VIT: variants seen among roughly 807,000 people sequenced by gnomAD.
VIT encodes vitrin.
Under a neutral mutation model 78.0 loss-of-function variants are expected in VIT, and 99 were observed. The observed-to-expected ratio is 1.27, with a 90% CI of 1.08 to 1.50. The LOEUF (loss-of-function observed/expected upper bound fraction) is 1.50. Among genes scored for constraint, VIT ranks in the 40% most tolerant of loss-of-function variants. VIT has a pLI of 0.00. For missense variants in VIT, 1,126 were observed against 875.3 expected (o/e 1.29, Z -3.61); for synonymous variants, 374 against 334.3 (o/e 1.12, Z -1.29).
intron 2 of VIT, among the ~76,000 whole-genome samples, chr2:36,724,373 A>C (rs1486378181): frequency 6.6e-6 from 1 of 152,154 alleles, no homozygotes; most frequent in African/African-American, 2.4e-5. Flanking sequence ...TCACCCAGGG[A>C]CTGGCTCTCA....
chr2:36,708,529 A>G (rs1470022488), intron 1 of VIT, among the ~76,000 whole-genome samples: 1 of 152,148 alleles, frequency 6.6e-6, no homozygotes, highest in South Asian at 2.1e-4. Context: ...TAAGCCCTCC[A>G]TGTCTCCCTG....
chr2:36,792,013 C>T (rs1355025868), intron 12 of VIT, among the ~76,000 whole-genome samples: 1 of 151,958 alleles, frequency 6.6e-6, no homozygotes, highest in Non-Finnish European at 1.5e-5. Flanking sequence ...ATTACAGCAC[C>T]CACCCTCAGA....
chr2:36,761,129 C>G (rs952285453), intron 6 of VIT, among the ~76,000 whole-genome samples: 4 of 152,182 alleles, frequency 2.6e-5, no homozygotes, highest in Admixed American at 2.6e-4. Flanking sequence ...GTATTGCACA[C>G]GTGTGATGGA....
At chr2:36,733,512 C>T (rs1184258274) in intron 3 of VIT, among the ~76,000 whole-genome samples, 2 of 152,170 alleles carry the variant, frequency 1.3e-5, no homozygotes, top group African/African-American at 4.8e-5. Context: ...GGAAATGAAA[C>T]AATCCTGCCA....
rs1388214809 is a variant in VIT at position 36,755,033 on chromosome 2, A to G, written c.388A>G (p.Arg130Gly). ...CCAATCGTTATCCCTACCACGATGGAGAGAATCCTTTATCGTCTTAGGTAT... is the reference window on the plus strand; with the variant it reads ...CCAATCGTTATCCCTACCACGATGGGGAGAATCCTTTATCGTCTTAGGTAT... ...GVQSLSLPRW[R>G]ESFIVLESKP... Residue 130 changes from arginine to glycine, a missense_variant, in exon 5 of 16, where the codon AGA (arginine) becomes GGA (glycine). By Grantham distance (125) the Arg-to-Gly change is moderately radical. Transcript: ENST00000379242. 1 of 1,614,024 alleles carries G rather than the reference A, an allele frequency of 6.2e-7. No individual in the cohort carries two copies. The highest frequency in any genetic ancestry group is 1.3e-5 in the African/African-American group (1 of 74,936).
intron 9 of VIT, among the ~76,000 whole-genome samples, chr2:36,778,088 G>C (rs898423244): frequency 3.3e-5 from 5 of 152,174 alleles, no homozygotes; most frequent in Non-Finnish European, 7.3e-5. Context: ...TTAAGCTGAA[G>C]CTCTCATATG....
At chr2:36,721,228 C>T (rs1171440649) in intron 2 of VIT, among the ~76,000 whole-genome samples, 1 of 152,158 alleles carries the variant, frequency 6.6e-6, no homozygotes, top group Non-Finnish European at 1.5e-5. Context: ...ACAACGTACA[C>T]ATATATCAAA....
chr2:36,729,303 A>T, intron 2 of VIT, 123 bp from the exon 3 acceptor site: 1 of 762,452 alleles, frequency 1.3e-6, no homozygotes, highest in African/African-American at 1.8e-5. Context: ...CATGACTGTA[A>T]GAGGGAAAAT....
chr2:36,809,231 T>G (rs188967244), intron 15 of VIT, among the ~76,000 whole-genome samples: 55 of 152,222 alleles, frequency 3.6e-4, no homozygotes, highest in African/African-American at 1.2e-3. Flanking sequence ...GGCCTGTGGA[T>G]GACTGGGCGC....
At chr2:36,802,198 C>G (rs940944174) in intron 13 of VIT, among the ~76,000 whole-genome samples, 1 of 152,128 alleles carries the variant, frequency 6.6e-6, no homozygotes, top group Non-Finnish European at 1.5e-5. Context: ...TTATGTTTAT[C>G]CAGAGTTGAT....
intron 1 of VIT, among the ~76,000 whole-genome samples, chr2:36,704,831 C>G (rs1353254334): frequency 6.6e-6 from 1 of 152,114 alleles, no homozygotes; most frequent in Non-Finnish European, 1.5e-5. Flanking sequence ...GGGTGTGGAT[C>G]TTGCAGACGC....
At chr2:36,771,667 T>G (rs1669769048) in intron 7 of VIT, among the ~76,000 whole-genome samples, 1 of 151,508 alleles carries the variant, frequency 6.6e-6, no homozygotes, top group African/African-American at 2.4e-5. Context: ...TGGATGAGAG[T>G]GTGGAGAAAT....
At chr2:36,716,901 G>C (rs1430871680) in intron 2 of VIT, among the ~76,000 whole-genome samples, 6 of 110,718 alleles carry the variant, frequency 5.4e-5, no homozygotes, top group African/African-American at 2.1e-4. Flanking sequence ...TTTTGAGATA[G>C]AGTCTCACTC....
At chr2:36,714,854 A>C (rs1666026213) in intron 1 of VIT, among the ~76,000 whole-genome samples, 1 of 152,182 alleles carries the variant, frequency 6.6e-6, no homozygotes, top group Non-Finnish European at 1.5e-5. Context: ...ATTCAAAACA[A>C]TACAGAATGC....
chr2:36,759,075 A>G, intron 6 of VIT, 29 bp downstream of exon 6: 1 of 1,614,160 alleles, frequency 6.2e-7, no homozygotes. Flanking sequence ...TTGAATCTAA[A>G]CCTTCTGAGT....
rs1168400309 is a variant in VIT, at chr2:36,808,720, C to T, written c.1638C>T (p.Asp546=). The change falls in exon 15 of 16, where the codon GAC becomes GAT. Residue 546 remains aspartate (D), a synonymous_variant. Coordinates refer to ENST00000379242, the MANE Select transcript of VIT (RefSeq NM_053276.4). ...LTKEFEISDT[D]TRIGAVQYTY... is the part of the protein sequence containing the mutation. ...AAGAGTTTGAGATTTCCGACACGGA[C>T]ACGCGCATCGGGGCCGTGCAGTACA... The T allele has an allele frequency of 4.3e-6, 7 of 1,614,126 alleles. No individual in the cohort carries two copies. The East Asian group carries it at 8.9e-5, about 21-fold the overall frequency.
At chr2:36,792,812 C>T (rs1209028429) in intron 12 of VIT, among the ~76,000 whole-genome samples, 5 of 152,312 alleles carry the variant, frequency 3.3e-5, no homozygotes, top group South Asian at 2.1e-4. Flanking sequence ...GGGGGAGCTC[C>T]ACCCTCCTCC....
Position 36,697,508 on chromosome 2 carries a change from G to C in VIT, c.-19+535G>C, listed in dbSNP as rs1050609047. Among the ~76,000 whole-genome samples, 4 of 152,194 alleles carry C rather than the reference G, an allele frequency of 2.6e-5. No individual in the cohort carries two copies. In the East Asian group the frequency reaches 7.7e-4, roughly 29 times the overall value. ...GGCTAGATGTGCGATTCTGTGTCTT[G>C]TTTACACTTAAAGTGTTTTCTTAGG... On this transcript the variant is annotated intron_variant, in intron 1 of 15. Coordinates refer to ENST00000379242, the MANE Select transcript of VIT (RefSeq NM_053276.4).
chr2:36,735,117 C>T (rs147969485), intron 3 of VIT, among the ~76,000 whole-genome samples: 2,517 of 152,060 alleles, frequency 0.017, 58 homozygotes, highest in African/African-American at 0.056. Context: ...GCCAAGACTG[C>T]ACCACTGCTC....
Sources: allele counts gnomAD v4.1 joint callset (sites outside exome capture counted in the v4.1 genomes callset), GRCh38; gene constraint gnomAD v4.1.1; transcripts MANE v1.5; gene names NCBI Gene and HGNC (gene_info 2026-07-23, HGNC 2026-07-21).